The following CTNNBIP1 variants were observed in gnomAD, a reference collection of about 807,000 sequenced individuals.
CTNNBIP1 encodes the protein catenin beta interacting protein 1.
In CTNNBIP1, 7 loss-of-function variants were observed where a neutral mutation model predicts 11.8. The observed-to-expected ratio is 0.60, with a 90% confidence interval of 0.34 to 1.12. The LOEUF is 1.12. Ranked by LOEUF, CTNNBIP1 falls within the 50% of genes most tolerant of loss-of-function variation. CTNNBIP1 has a pLI of 0.03. For missense variants in CTNNBIP1, 101 were observed against 113.4 expected (o/e 0.89, Z 0.50); for synonymous variants, 58 against 43.9 (o/e 1.32, Z -1.26).
At chr1:9,852,193 G>T (rs1158797381) in intron 5 of CTNNBIP1, among the ~76,000 whole-genome samples, 3 of 152,166 alleles carry the variant, frequency 2.0e-5, no homozygotes, top group Non-Finnish European at 4.4e-5. Context: ...CCCACAGCCG[G>T]CATGTGCTGA....
chr1:9,862,943 C>T (rs1638663600), intron 5 of CTNNBIP1, among the ~76,000 whole-genome samples: 1 of 152,252 alleles, frequency 6.6e-6, no homozygotes, highest in African/African-American at 2.4e-5. Context: ...GGGCCTGCCT[C>T]TTACCAGGGC....
At position 9,851,871 on chromosome 1, in the gene CTNNBIP1, G is replaced by T. The variant is rs1335897229; in HGVS notation, c.188-1095C>A. ...TTAGGGGCTGACATGGCCAGGGAGG[G>T]GCTGTGGGCCAGGAGGTGACCTGTA... On this transcript the variant is annotated intron_variant, in intron 5 of 5. Transcript: ENST00000377263. This position sits in a 1 kb window ranked among gnomAD's most constrained non-coding sequence, Gnocchi z 4.8. Among the ~76,000 whole-genome samples, 1 of 152,180 alleles carries T rather than the reference G, an allele frequency of 6.6e-6. No individual in the cohort carries two copies. The highest frequency in any genetic ancestry group is 1.5e-5 in the Non-Finnish European group (1 of 68,030).
Position 9,871,841 on chromosome 1 carries a change from G to A in CTNNBIP1, c.96+128C>T, listed in dbSNP as rs868702139. 3.0e-5 allele frequency: 22 copies of A among 743,918 alleles called. No individual in the cohort carries two copies. Among genetic ancestry groups the A allele is most frequent in the Middle Eastern group, 5.9e-4 (2 of 3,402 alleles). 46.1% of individuals were successfully genotyped at this position (743,918 alleles called of 1,614,324 possible). A position where few individuals can be genotyped will look rare whatever the true frequency, so the allele number is the denominator to read the frequency against. Reference sequence around the variant, plus strand: ...CCTAGAGCCAAGCCACAGGCCCAGCGGCCCCTCCTCAGCCCGTGGCTCCGC... The same window carrying A: ...CCTAGAGCCAAGCCACAGGCCCAGCAGCCCCTCCTCAGCCCGTGGCTCCGC... On this transcript the variant is annotated intron_variant, in intron 4 of 5. Transcript: ENST00000377263. This position sits in a 1 kb window ranked among gnomAD's most constrained non-coding sequence, Gnocchi z 5.2.
At chr1:9,892,968 A>G (rs956047431) in intron 1 of CTNNBIP1, 1 of 152,080 alleles carries the variant, frequency 6.6e-6, no homozygotes, top group Non-Finnish European at 1.5e-5. Context: ...TTAAACAAAG[A>G]CCCCTTCAGA....
intron 3 of CTNNBIP1, among the ~76,000 whole-genome samples, chr1:9,876,452 A>G (rs1226314135): frequency 6.6e-6 from 1 of 152,142 alleles, no homozygotes; most frequent in African/African-American, 2.4e-5. Context: ...CCCAGTCTCT[A>G]TAAAAAATAC....
intron 5 of CTNNBIP1, among the ~76,000 whole-genome samples, chr1:9,861,164 C>A (rs1332944608): frequency 6.6e-6 from 1 of 152,196 alleles, no homozygotes; most frequent in Admixed American, 6.5e-5. Context: ...CCTCCTCCCA[C>A]GAGCTCATTA....
At position 9,849,681 on chromosome 1, in the gene CTNNBIP1, CAGA is replaced by C. The variant is rs1557740095; in HGVS notation, c.*1034_*1036del. 1 of 152,386 alleles carries C rather than the reference CAGA, an allele frequency of 6.6e-6. No homozygotes were observed. The highest frequency in any genetic ancestry group is 1.9e-4 in the East Asian group (1 of 5,204). 9.4% of individuals were successfully genotyped at this position (152,386 alleles called of 1,614,324 possible). A position where few individuals can be genotyped will look rare whatever the true frequency, so the allele number is the denominator to read the frequency against. On this transcript the variant is annotated 3_prime_UTR_variant, in exon 6 of 6. Coordinates refer to ENST00000377263, the MANE Select transcript of CTNNBIP1 (RefSeq NM_020248.3). ...AAATGAGGCCTCAGGAAGTGGTACACAGAAGGATGGCCAAGAGGACAGAGCTGG... is the reference window on the plus strand; with the variant it reads ...AAATGAGGCCTCAGGAAGTGGTACACAGGATGGCCAAGAGGACAGAGCTGG...
Position 9,902,707 on chromosome 1 carries a change from C to T in CTNNBIP1, c.-144+7388G>A, listed in dbSNP as rs568123058. ...CATTCTTTCTTCATTCACACGATCC[C>T]AACTATATAATAAGCCTTTTGGTCC... On this transcript the variant is annotated intron_variant, in intron 1 of 5. Coordinates refer to ENST00000377263, the MANE Select transcript of CTNNBIP1 (RefSeq NM_020248.3). Among the ~76,000 whole-genome samples, 27 of 152,252 alleles carry T rather than the reference C, an allele frequency of 1.8e-4. No individual in the cohort carries two copies. In the South Asian group the frequency reaches 3.5e-3, roughly 20 times the overall value.
Position 9,871,218 on chromosome 1 carries a change from G to T in CTNNBIP1, c.156C>A (p.Leu52=). Residue 52 remains leucine (L), a synonymous_variant, in exon 5 of 6, where the codon CTC becomes CTA. Transcript: ENST00000377263. The surrounding 1 kb of genome is among the most constrained non-coding windows in gnomAD (Gnocchi z 5.2). The stretch of plus-strand genomic sequence containing the variant: ...CGATGGAGTGCGGAGGCAGCTGGCT[G>T]AGCTGGCTGTTGACCACCCCTGCAT... ...RTYAGVVNSQ[L]SQLPPHSIDQ... is the part of the protein sequence containing the mutation. 6.3e-7 allele frequency: 1 copy of T among 1,580,824 alleles called. No individual in the cohort carries two copies. Among genetic ancestry groups the T allele is most frequent in the East Asian group, 2.3e-5 (1 of 43,738 alleles).
chr1:9,876,996 C>T (rs372053998), intron 3 of CTNNBIP1, among the ~76,000 whole-genome samples: 1 of 152,130 alleles, frequency 6.6e-6, no homozygotes, highest in Non-Finnish European at 1.5e-5. Flanking sequence ...GAGAACTGGC[C>T]TTGGCTCCAC....
chr1:9,902,594 C>T (rs940208798), intron 1 of CTNNBIP1, among the ~76,000 whole-genome samples: 1 of 152,150 alleles, frequency 6.6e-6, no homozygotes, highest in African/African-American at 2.4e-5. Context: ...TTAATGTCCA[C>T]TCAGGGCAGG....
At chr1:9,865,727 G>A (rs772895220) in intron 5 of CTNNBIP1, among the ~76,000 whole-genome samples, 1 of 152,142 alleles carries the variant, frequency 6.6e-6, no homozygotes, top group Admixed American at 6.5e-5. Flanking sequence ...CTTAACAAAG[G>A]GTAAGAGTGA....
At chr1:9,878,117 G>C (rs1305460548) in intron 2 of CTNNBIP1, 128 bp from the exon 3 acceptor site, 2 of 152,522 alleles carry the variant, frequency 1.3e-5, no homozygotes, top group East Asian at 3.9e-4. Context: ...ATGGAGCTGG[G>C]TTCTGCCGTG....
In CTNNBIP1 at chr1:9,871,661, G is replaced by T. The variant is rs909815335; in HGVS notation, c.96+308C>A. Among the ~76,000 whole-genome samples, 1 of 152,174 alleles carries T rather than the reference G, an allele frequency of 6.6e-6. No individual in the cohort carries two copies. Among genetic ancestry groups the T allele is most frequent in the African/African-American group, 2.4e-5 (1 of 41,430 alleles). On this transcript the variant is annotated intron_variant, in intron 4 of 5. Coordinates refer to ENST00000377263, the MANE Select transcript of CTNNBIP1 (RefSeq NM_020248.3). The surrounding 1 kb of genome is among the most constrained non-coding windows in gnomAD (Gnocchi z 5.2). ...TCCTGTCCTGACAAGTTGTCCCTGA[G>T]CTGCCCCCTGGGAGAGAAGACTTTC...
At chr1:9,891,510 T>C (rs553914557) in intron 1 of CTNNBIP1, among the ~76,000 whole-genome samples, 8 of 152,306 alleles carry the variant, frequency 5.3e-5, no homozygotes, top group African/African-American at 1.7e-4. Context: ...ATTAAATCAA[T>C]TGGATCGGCT....
chr1:9,890,546 A>G (rs1489086154), intron 1 of CTNNBIP1, among the ~76,000 whole-genome samples: 1 of 152,176 alleles, frequency 6.6e-6, no homozygotes, highest in Non-Finnish European at 1.5e-5. Flanking sequence ...TCTTCCTTTA[A>G]TTCAGTCTGA....
intron 1 of CTNNBIP1, among the ~76,000 whole-genome samples, chr1:9,905,835 G>A (rs1402711837): frequency 1.3e-5 from 2 of 152,100 alleles, no homozygotes; most frequent in African/African-American, 4.8e-5. Context: ...CCGTGTTCTT[G>A]GCTACGTCCA....
intron 1 of CTNNBIP1, among the ~76,000 whole-genome samples, chr1:9,899,455 CAAAA>C (rs754593503): frequency 1.4e-4 from 9 of 65,700 alleles, no homozygotes; most frequent in Non-Finnish European, 1.7e-4. Flanking sequence ...GACTCCATCT[CAAAA>C]AAAAAAAAAA....
chr1:9,870,378 T>C (rs1025437221), intron 5 of CTNNBIP1, among the ~76,000 whole-genome samples: 2 of 152,200 alleles, frequency 1.3e-5, no homozygotes, highest in African/African-American at 4.8e-5. Flanking sequence ...AGAACCTTGC[T>C]GAGCAGCCAA....
Sources: allele counts gnomAD v4.1 joint callset (sites outside exome capture counted in the v4.1 genomes callset), GRCh38; gene constraint gnomAD v4.1.1; non-coding constraint Gnocchi (gnomAD v3.1); transcripts MANE v1.5; gene names NCBI Gene and HGNC (gene_info 2026-07-23, HGNC 2026-07-21).